ACOXL: variants seen among roughly 807,000 people sequenced by gnomAD.
ACOXL encodes acyl-CoA oxidase like.
In ACOXL, 70 loss-of-function variants were observed where a neutral mutation model predicts 71.9. The ratio of observed to expected loss-of-function variants is 0.97; its 90% CI spans 0.80 to 1.19. The LOEUF is 1.19. Ranked by LOEUF, ACOXL falls within the 50% of genes most tolerant of loss-of-function variation. ACOXL has a pLI of 0.00. For synonymous variants in ACOXL, 253 were observed against 281.6 expected (o/e 0.90, Z 1.02); for missense variants, 703 against 736.3 (o/e 0.95, Z 0.52).
chr2:110,779,850 A>G (rs976449218), intron 2 of ACOXL, among the ~76,000 whole-genome samples: 5 of 152,264 alleles, frequency 3.3e-5, no homozygotes, highest in African/African-American at 1.2e-4. Context: ...AAAAATTACT[A>G]CATTTGTAGA....
chr2:110,759,523 G>C (rs951244961), intron 1 of ACOXL, among the ~76,000 whole-genome samples: 2 of 151,780 alleles, frequency 1.3e-5, no homozygotes, highest in African/African-American at 4.8e-5. Context: ...CCATTTGCTC[G>C]GTAAATTTTT....
At chr2:110,944,861 CAAT>C (rs1439974928) in intron 12 of ACOXL, among the ~76,000 whole-genome samples, 1 of 152,154 alleles carries the variant, frequency 6.6e-6, no homozygotes, top group African/African-American at 2.4e-5. Flanking sequence ...GACATATAAC[CAAT>C]AATGAGATTT....
In ACOXL at chr2:110,963,457, A is replaced by G. The variant is rs554200823; in HGVS notation, c.1060-23651A>G. Among the ~76,000 whole-genome samples the G allele has an allele frequency of 3.3e-5, 5 of 152,266 alleles. No homozygotes were observed. In the East Asian group the frequency reaches 5.8e-4, roughly 18 times the overall value. ...AGGAATCAAAATTCTTACAGTGGTT[A>G]TTTTGGCTAGGAGAAATATGATTGT... On this transcript the variant is annotated intron_variant, in intron 12 of 17. Transcript: ENST00000439055.
At chr2:110,781,163 A>G (rs1683276299) in intron 2 of ACOXL, among the ~76,000 whole-genome samples, 1 of 152,230 alleles carries the variant, frequency 6.6e-6, no homozygotes, top group Non-Finnish European at 1.5e-5. Flanking sequence ...ACACAGGTAG[A>G]TAATTGAACA....
chr2:110,793,224 A>T (rs1050904417), intron 3 of ACOXL, among the ~76,000 whole-genome samples: 2 of 152,172 alleles, frequency 1.3e-5, no homozygotes, highest in Non-Finnish European at 2.9e-5. Context: ...TGCCTCTTCC[A>T]TCCACCTTCC....
intron 10 of ACOXL, among the ~76,000 whole-genome samples, chr2:110,876,425 T>TGCTTCCA (rs1235586262): frequency 2.6e-5 from 4 of 152,010 alleles, no homozygotes; most frequent in Admixed American, 2.0e-4. Context: ...GAGGCTGGGG[T>TGCTTCCA]GCTTCCAGCC....
In ACOXL at chr2:110,789,350, T is replaced by C. The variant is rs547209155; in HGVS notation, c.160-4300T>C. Among the ~76,000 whole-genome samples, 19 of 152,370 alleles carry C rather than the reference T, an allele frequency of 1.2e-4. 1 individual carries two copies. The highest frequency in any genetic ancestry group is 3.4e-3 in the Middle Eastern group (1 of 294). On this transcript the variant is annotated intron_variant, in intron 3 of 17. Coordinates refer to ENST00000439055, the MANE Select transcript of ACOXL (RefSeq NM_001142807.4). The stretch of plus-strand genomic sequence containing the variant: ...CTTTTCTGCTTCTCCATGGCTGTTC[T>C]ATTTTGCCTTATTTGAACCATCCTA...
intron 9 of ACOXL, among the ~76,000 whole-genome samples, chr2:110,806,301 C>T (rs943388795): frequency 1.3e-5 from 2 of 152,210 alleles, no homozygotes; most frequent in Non-Finnish European, 1.5e-5. Flanking sequence ...GGCCTCGTGC[C>T]CGCCCGTGCA....
chr2:111,039,377 A>G (rs890199356), intron 15 of ACOXL, among the ~76,000 whole-genome samples: 2 of 151,726 alleles, frequency 1.3e-5, no homozygotes, highest in Non-Finnish European at 2.9e-5. Context: ...CTTGAAAATG[A>G]TGGCTTTTAC....
In ACOXL at chr2:111,018,682, C is replaced by T. The variant is rs548488354; in HGVS notation, c.1282-12945C>T. On this transcript the variant is annotated intron_variant, in intron 14 of 17. Transcript: ENST00000439055. ...GGGCCCAGAAGAGTGAGGATGCAGC[C>T]CGAGCTTGGGTGGTAGCAGAGAGGC... is the stretch of plus-strand genomic sequence containing the variant. 2.7e-5 allele frequency among the ~76,000 whole-genome samples: 4 copies of T among 148,336 alleles called. No homozygotes were observed. In the East Asian group the frequency reaches 7.8e-4, roughly 29 times the overall value.
intron 8 of ACOXL, among the ~76,000 whole-genome samples, chr2:110,804,596 G>C (rs1234480335): frequency 6.6e-6 from 1 of 152,186 alleles, no homozygotes; most frequent in Non-Finnish European, 1.5e-5. Context: ...TCCATCGACT[G>C]AGGAAACAGG....
intron 1 of ACOXL, among the ~76,000 whole-genome samples, chr2:110,758,497 C>A (rs1023823372): frequency 6.6e-6 from 1 of 152,102 alleles, no homozygotes; most frequent in Non-Finnish European, 1.5e-5. Context: ...TGGCCATTCT[C>A]TGATGGCTGT....
intron 14 of ACOXL, among the ~76,000 whole-genome samples, chr2:111,015,367 G>T (rs994855704): frequency 1.1e-4 from 16 of 152,178 alleles, no homozygotes; most frequent in Non-Finnish European, 2.1e-4. Flanking sequence ...ATGCAACTTT[G>T]CCTAATTTGT....
intron 12 of ACOXL, among the ~76,000 whole-genome samples, chr2:110,938,078 A>G (rs2060731925): frequency 6.6e-6 from 1 of 152,204 alleles, no homozygotes. Flanking sequence ...GGCCCTGTGC[A>G]GCTGCAGGGG....
intron 14 of ACOXL, among the ~76,000 whole-genome samples, chr2:111,012,966 A>G (rs2064236660): frequency 6.6e-6 from 1 of 152,252 alleles, no homozygotes; most frequent in East Asian, 1.9e-4. Flanking sequence ...GAAATAGAAA[A>G]CAAACTATAG....
intron 17 of ACOXL, among the ~76,000 whole-genome samples, chr2:111,112,171 A>G (rs1392803214): frequency 6.6e-6 from 1 of 152,244 alleles, no homozygotes; most frequent in African/African-American, 2.4e-5. Flanking sequence ...TGATTCAGAG[A>G]AAATATTAGC....
intron 10 of ACOXL, among the ~76,000 whole-genome samples, chr2:110,857,400 G>A (rs1693390789): frequency 6.6e-6 from 1 of 152,204 alleles, no homozygotes; most frequent in African/African-American, 2.4e-5. Context: ...AAGGCAAGAA[G>A]CATTGGGGTG....
chr2:111,036,189 G>A (rs2065502609), intron 15 of ACOXL, among the ~76,000 whole-genome samples: 3 of 152,212 alleles, frequency 2.0e-5, no homozygotes, highest in Admixed American at 2.0e-4. Context: ...GTGGAGGCCT[G>A]GAGGGGAGGG....
At chr2:110,774,095 T>C (rs1197645569) in intron 2 of ACOXL, among the ~76,000 whole-genome samples, 1 of 152,228 alleles carries the variant, frequency 6.6e-6, no homozygotes, top group East Asian at 1.9e-4. Flanking sequence ...TGAAATACTA[T>C]GTAAAAAACC....
Sources: allele counts gnomAD v4.1 joint callset (sites outside exome capture counted in the v4.1 genomes callset), GRCh38; gene constraint gnomAD v4.1.1; transcripts MANE v1.5; gene names NCBI Gene and HGNC (gene_info 2026-07-23, HGNC 2026-07-21).